ANXA8: variants seen among roughly 807,000 people sequenced by gnomAD.
The protein encoded by ANXA8 is VAC-beta.
In ANXA8, 9 loss-of-function variants were observed where a neutral mutation model predicts 26.8. The ratio of observed to expected loss-of-function variants is 0.34; its 90% CI spans 0.20 to 0.59. ANXA8 has a LOEUF of 0.59. Among genes scored for constraint, ANXA8 ranks in the 20% least tolerant of loss-of-function variants. The pLI, the probability that ANXA8 is intolerant of heterozygous loss-of-function variation, is 0.84. For missense variants in ANXA8, 83 were observed against 238.5 expected (o/e 0.35, Z 4.29); for synonymous variants, 39 against 94.8 (o/e 0.41, Z 3.42).
chr10:47,679,825 G>A, the ANXA8 span, among the ~76,000 whole-genome samples: 41 of 151,980 alleles, frequency 2.7e-4, no homozygotes, highest in African/African-American at 4.8e-4. Context: ...GGCTAAGGTG[G>A]GAGGATTGCT....
the ANXA8 span, chr10:47,491,833 G>C: frequency 1.6e-6 from 1 of 642,778 alleles, no homozygotes; most frequent in Non-Finnish European, 2.8e-6. Context: ...CAGCAGGAAG[G>C]GGCTGGGCGG....
the ANXA8 span, among the ~76,000 whole-genome samples, chr10:47,624,032 C>G: frequency 1.0e-5 from 1 of 99,012 alleles, no homozygotes; most frequent in Non-Finnish European, 2.1e-5. Context: ...GTCAGGAGAT[C>G]GAGACCATCC....
chr10:47,497,912 C>G, the ANXA8 span, among the ~76,000 whole-genome samples: 11 of 152,234 alleles, frequency 7.2e-5, no homozygotes, highest in African/African-American at 2.6e-4. Context: ...GCACTCCAGC[C>G]TGGGCAATAG....
the ANXA8 span, among the ~76,000 whole-genome samples, chr10:47,626,178 C>A: frequency 6.7e-6 from 1 of 149,868 alleles, no homozygotes; most frequent in Non-Finnish European, 1.5e-5. Flanking sequence ...CAGTTAATAG[C>A]CTAAGAAATA....
the ANXA8 span, among the ~76,000 whole-genome samples, chr10:47,636,391 T>G: frequency 1.4e-5 from 2 of 143,368 alleles, no homozygotes; most frequent in Non-Finnish European, 3.0e-5. Flanking sequence ...AAAATCATGT[T>G]TCTGCACTAA....
At chr10:47,702,771 C>T in the ANXA8 span, among the ~76,000 whole-genome samples, 7 of 151,760 alleles carry the variant, frequency 4.6e-5, no homozygotes, top group Admixed American at 3.3e-4. Context: ...GTAGCCGGCA[C>T]CATAGGTGTG....
chr10:47,559,888 G>A, the ANXA8 span, among the ~76,000 whole-genome samples: 2 of 151,686 alleles, frequency 1.3e-5, no homozygotes, highest in South Asian at 4.2e-4. Context: ...ACCTTTATTG[G>A]TTCATAGCCT....
At chr10:47,958,069 C>T in the ANXA8 span, among the ~76,000 whole-genome samples, 1 of 150,334 alleles carries the variant, frequency 6.7e-6, no homozygotes, top group Non-Finnish European at 1.5e-5. Context: ...TTTGTGGGGG[C>T]CACAATTCAA....
At chr10:47,591,284 C>T in the ANXA8 span, among the ~76,000 whole-genome samples, 4 of 144,256 alleles carry the variant, frequency 2.8e-5, no homozygotes, top group South Asian at 2.1e-4. Flanking sequence ...CTCATTTATG[C>T]TTCCTATTGA....
chr10:47,546,190 C>A, the ANXA8 span, among the ~76,000 whole-genome samples: 1 of 139,594 alleles, frequency 7.2e-6, no homozygotes, highest in African/African-American at 2.6e-5. Flanking sequence ...AGAAAACCAA[C>A]CTCTTCTTTC....
At chr10:47,962,661 C>CAG in the ANXA8 span, among the ~76,000 whole-genome samples, 1 of 151,332 alleles carries the variant, frequency 6.6e-6, no homozygotes, top group Non-Finnish European at 1.5e-5. Flanking sequence ...GAGACACACA[C>CAG]TTATAAGCAC....
the ANXA8 span, among the ~76,000 whole-genome samples, chr10:47,957,695 G>A: frequency 6.7e-6 from 1 of 148,990 alleles, no homozygotes; most frequent in African/African-American, 2.5e-5. Context: ...TCACAGGGCT[G>A]TGCTCCCTAC....
chr10:47,945,407 G>A, the ANXA8 span, among the ~76,000 whole-genome samples: 6 of 150,920 alleles, frequency 4.0e-5, no homozygotes, highest in South Asian at 4.2e-4. Context: ...ACCCTGAGGC[G>A]GCCTCACCCC....
At chr10:47,584,447 AAC>A in the ANXA8 span, among the ~76,000 whole-genome samples, 8 of 133,336 alleles carry the variant, frequency 6.0e-5, no homozygotes, top group African/African-American at 2.5e-4. Context: ...CTGCCTTAGA[AAC>A]AATCTCCAGG....
chr10:47,558,536 TG>T, the ANXA8 span, among the ~76,000 whole-genome samples: 9 of 97,872 alleles, frequency 9.2e-5, no homozygotes, highest in Non-Finnish European at 1.9e-4. Flanking sequence ...AAGATGTGTG[TG>T]TGTGTGTGTG....
chr10:47,655,973 T>A, the ANXA8 span, among the ~76,000 whole-genome samples: 19 of 152,088 alleles, frequency 1.2e-4, no homozygotes, highest in African/African-American at 4.1e-4. Flanking sequence ...TGAGCCGAGA[T>A]TGCACCATTG....
the ANXA8 span, among the ~76,000 whole-genome samples, chr10:47,628,743 C>T: frequency 2.0e-5 from 3 of 149,732 alleles, no homozygotes; most frequent in Admixed American, 2.0e-4. Flanking sequence ...TAATCCTGGT[C>T]ATTCAAAACC....
At chr10:47,950,573 A>C in the ANXA8 span, among the ~76,000 whole-genome samples, 1 of 150,142 alleles carries the variant, frequency 6.7e-6, no homozygotes, top group Non-Finnish European at 1.5e-5. Context: ...ATAATGGACC[A>C]TATCTGGGGC....
the ANXA8 span, among the ~76,000 whole-genome samples, chr10:47,924,548 C>T: frequency 3.3e-5 from 5 of 151,242 alleles, no homozygotes; most frequent in Non-Finnish European, 7.4e-5. Flanking sequence ...TATAGCCTCC[C>T]AGGGCAGGGT....
Sources: allele counts gnomAD v4.1 joint callset (sites outside exome capture counted in the v4.1 genomes callset), GRCh38; gene constraint gnomAD v4.1.1; transcripts MANE v1.5; gene names NCBI Gene and HGNC (gene_info 2026-07-23, HGNC 2026-07-21).